Variants in KCNH7 observed in about 807,000 individuals in gnomAD.
KCNH7 encodes the protein voltage-gated inwardly rectifying potassium channel KCNH7.
A neutral mutation model predicts 120.8 loss-of-function variants in KCNH7; 49 were observed. The ratio of observed to expected loss-of-function variants is 0.41; its 90% confidence interval spans 0.32 to 0.51. KCNH7 has a LOEUF of 0.51. KCNH7 is among the 20% of genes least tolerant of loss of function. KCNH7 has a pLI of 0.38. For synonymous variants in KCNH7, 547 were observed against 516.1 expected (o/e 1.06, Z -0.81); for missense variants, 1,097 against 1,446.6 (o/e 0.76, Z 3.92).
intron 6 of KCNH7, among the ~76,000 whole-genome samples, chr2:162,468,369 G>GA (rs1237696865): frequency 2.6e-5 from 4 of 152,002 alleles, no homozygotes; most frequent in East Asian, 3.9e-4. Context: ...AAGTTATCAA[G>GA]AAAAAACAAA....
At chr2:162,470,575 TG>T (rs974212906) in intron 6 of KCNH7, among the ~76,000 whole-genome samples, 21 of 148,260 alleles carry the variant, frequency 1.4e-4, no homozygotes, top group Non-Finnish European at 2.2e-4. Flanking sequence ...GGGAGGGAGG[TG>T]GGGGTCAGCC....
chr2:162,581,424 A>G (rs772179511), intron 2 of KCNH7, among the ~76,000 whole-genome samples: 1 of 152,116 alleles, frequency 6.6e-6, no homozygotes, highest in Admixed American at 6.6e-5. Context: ...CTACTATAAC[A>G]GCTGAGCAAG....
At chr2:162,518,607 CAGGA>C (rs1378231216) in intron 3 of KCNH7, among the ~76,000 whole-genome samples, 5 of 151,520 alleles carry the variant, frequency 3.3e-5, no homozygotes, top group African/African-American at 1.2e-4. Flanking sequence ...TTGGAACAGG[CAGGA>C]AGGAAGTGAG....
chr2:162,401,096 G>A (rs1235536119), intron 9 of KCNH7, among the ~76,000 whole-genome samples: 1 of 151,856 alleles, frequency 6.6e-6, no homozygotes, highest in African/African-American at 2.4e-5. Context: ...AATGGAAATT[G>A]CACCAGAATT....
chr2:162,495,484 A>G (rs1167938419), intron 6 of KCNH7, among the ~76,000 whole-genome samples: 1 of 152,196 alleles, frequency 6.6e-6, no homozygotes, highest in Non-Finnish European at 1.5e-5. Flanking sequence ...GTTCTATTAA[A>G]GCCAATTTAA....
At chr2:162,722,813 C>CTTTCTTTTTTTTTTTTTTTTTTTTTTTTT (rs1220971256) in intron 2 of KCNH7, among the ~76,000 whole-genome samples, 1 of 85,110 alleles carries the variant, frequency 1.2e-5, no homozygotes, top group African/African-American at 6.1e-5. Context: ...TTCTTTTTTT[C>CTTTCTTTTTTTTTTTTTTTTTTTTTTTTT]TTTTTTTTTT....
At chr2:162,662,533 G>A (rs1194567822) in intron 2 of KCNH7, among the ~76,000 whole-genome samples, 1 of 152,168 alleles carries the variant, frequency 6.6e-6, no homozygotes. Flanking sequence ...TGCCAAAAAA[G>A]TCTTTGATTG....
At chr2:162,392,283 T>C (rs1686766617) in intron 12 of KCNH7, among the ~76,000 whole-genome samples, 1 of 151,840 alleles carries the variant, frequency 6.6e-6, no homozygotes, top group Admixed American at 6.6e-5. Context: ...CGTGTGTGTG[T>C]GTGTGTGCGC....
intron 2 of KCNH7, among the ~76,000 whole-genome samples, chr2:162,781,272 C>T (rs994270762): frequency 6.6e-6 from 1 of 151,644 alleles, no homozygotes; most frequent in East Asian, 1.9e-4. Flanking sequence ...TTGATAGCAT[C>T]TATTATTATT....
At chr2:162,583,820 T>C (rs967427257) in intron 2 of KCNH7, among the ~76,000 whole-genome samples, 3 of 152,090 alleles carry the variant, frequency 2.0e-5, no homozygotes, top group African/African-American at 7.2e-5. Flanking sequence ...AAAGCTGTCC[T>C]TAAAAGAGCA....
At chr2:162,749,075 A>T (rs12614204) in intron 2 of KCNH7, among the ~76,000 whole-genome samples, 2,969 of 145,736 alleles carry the variant, frequency 0.02, 63 homozygotes, top group East Asian at 0.12. Context: ...AAGCAAGTAC[A>T]TATTCTAAAC....
chr2:162,725,478 T>C (rs986299925), intron 2 of KCNH7, among the ~76,000 whole-genome samples: 1 of 152,176 alleles, frequency 6.6e-6, no homozygotes, highest in African/African-American at 2.4e-5. Context: ...ATTCAGAATA[T>C]GTTCATACAA....
At chr2:162,452,898 T>TA in intron 6 of KCNH7, among the ~76,000 whole-genome samples, 1 of 152,044 alleles carries the variant, frequency 6.6e-6, no homozygotes, top group Non-Finnish European at 1.5e-5. Context: ...TAGGAAACGG[T>TA]TGGTCTCTCA....
chr2:162,682,863 T>C (rs1302466128), intron 2 of KCNH7, among the ~76,000 whole-genome samples: 1 of 151,830 alleles, frequency 6.6e-6, no homozygotes. Context: ...ATTTCCTAAA[T>C]GTTGGTCCAG....
chr2:162,611,618 G>A (rs1223550414), intron 2 of KCNH7, among the ~76,000 whole-genome samples: 1 of 152,208 alleles, frequency 6.6e-6, no homozygotes, highest in Non-Finnish European at 1.5e-5. Context: ...AAACTGAGAA[G>A]CCCATGAGGC....
At chr2:162,696,389 A>G (rs1014104968) in intron 2 of KCNH7, among the ~76,000 whole-genome samples, 3 of 152,200 alleles carry the variant, frequency 2.0e-5, no homozygotes, top group Non-Finnish European at 4.4e-5. Context: ...ATTTCAGGTT[A>G]CTGTAATTCT....
chr2:162,569,725 T>A (rs1693395291), intron 2 of KCNH7, among the ~76,000 whole-genome samples: 1 of 152,110 alleles, frequency 6.6e-6, no homozygotes, highest in African/African-American at 2.4e-5. Flanking sequence ...TTCTGGTATG[T>A]TCTGTCTTTG....
chr2:162,613,588 ACT>A (rs1280038416), intron 2 of KCNH7, among the ~76,000 whole-genome samples: 2 of 151,928 alleles, frequency 1.3e-5, no homozygotes, highest in East Asian at 3.9e-4. Context: ...TAAAATTATG[ACT>A]CTTTCAAAAA....
At chr2:162,656,593 C>T (rs897196436) in intron 2 of KCNH7, among the ~76,000 whole-genome samples, 5 of 152,150 alleles carry the variant, frequency 3.3e-5, no homozygotes, top group Non-Finnish European at 5.9e-5. Context: ...TAACTATTCT[C>T]CTTTCCACTT....
Sources: allele counts gnomAD v4.1 joint callset (sites outside exome capture counted in the v4.1 genomes callset), GRCh38; gene constraint gnomAD v4.1.1; transcripts MANE v1.5; gene names NCBI Gene and HGNC (gene_info 2026-07-23, HGNC 2026-07-21).